The following LNX1 variants were observed in gnomAD, a reference collection of about 807,000 sequenced individuals.
LNX1 encodes the protein ligand of numb-protein X 1.
LNX1 carries 54 observed loss-of-function variants against 68.4 expected under a neutral mutation model. The observed-to-expected ratio is 0.79, with a 90% confidence interval of 0.63 to 0.99. LNX1 has a LOEUF of 0.99. LNX1 is among the 50% of genes least tolerant of loss of function. LNX1 has a pLI of 0.00. For missense variants in LNX1, 906 were observed against 926.4 expected, an observed-to-expected ratio of 0.98 and a Z score of 0.29; for synonymous variants, 336 against 350.0, an observed-to-expected ratio of 0.96 and a Z score of 0.45.
At chr4:53,523,046 G>T (rs1217820839) in intron 2 of LNX1, 1 of 152,162 alleles carries the variant, frequency 6.6e-6, no homozygotes, top group African/African-American at 2.4e-5. Context: ...TAAAAATCTA[G>T]CTTATGAGAT....
intron 2 of LNX1, among the ~76,000 whole-genome samples, chr4:53,542,212 T>C (rs1398315444): frequency 6.6e-6 from 1 of 152,080 alleles, no homozygotes; most frequent in African/African-American, 2.4e-5. Context: ...ATTAGGAAAG[T>C]AAAATTGAGT....
upstream of LNX1, chr4:53,592,820 T>G (rs888375355): frequency 2.6e-4 from 39 of 152,318 alleles, 2 homozygotes; most frequent in Admixed American, 1.8e-3. Flanking sequence ...GGGCCTCAGC[T>G]GGCTGCAGTC....
At chr4:53,592,545 T>C (rs990909893), upstream of LNX1, among the ~76,000 whole-genome samples, 1 of 152,198 alleles carries the variant, frequency 6.6e-6, no homozygotes, top group African/African-American at 2.4e-5. Flanking sequence ...GAGGAAACTG[T>C]GGATTCCCCG....
chr4:53,590,644 G>C (rs1732454401), intron 1 of LNX1, among the ~76,000 whole-genome samples: 1 of 152,114 alleles, frequency 6.6e-6, no homozygotes, highest in South Asian at 2.1e-4. Flanking sequence ...GACAGAAAAA[G>C]CCAAAGAGGT....
chr4:53,509,968 A>G (rs1486121876), intron 2 of LNX1, among the ~76,000 whole-genome samples: 3 of 152,260 alleles, frequency 2.0e-5, no homozygotes, highest in Non-Finnish European at 2.9e-5. Flanking sequence ...ATGAAAAGTT[A>G]TAGAAAGCCT....
chr4:53,460,829 A>T lies in LNX1; in HGVS notation c.*78T>A, dbSNP rs1198504645. ...ATGTATTCTTTCTTTAAATATAAAA[A>T]CTGACAAGATAAATATAGTGTTTCA... On this transcript the variant is annotated 3_prime_UTR_variant, in exon 11 of 11. Coordinates refer to ENST00000263925, the MANE Select transcript of LNX1 (RefSeq NM_001126328.3). The T allele has an allele frequency of 3.0e-6, 4 of 1,318,234 alleles. No individual in the cohort carries two copies. In the African/African-American group the frequency reaches 6.1e-5, roughly 20 times the overall value. 81.7% of individuals were successfully genotyped at this position (1,318,234 alleles called of 1,614,324 possible). A position where few individuals can be genotyped will look rare whatever the true frequency, so the allele number is the denominator to read the frequency against.
chr4:53,643,614 A>C lies in LNX1; in HGVS notation c.-215+8554T>G, dbSNP rs1248432921. ...AGGGGACTGAAGAACTAGCTGCCCAAGACCTCTCGCCCTCTCTCTTCCCTT... is the reference window on the plus strand; with the variant it reads ...AGGGGACTGAAGAACTAGCTGCCCACGACCTCTCGCCCTCTCTCTTCCCTT... On this transcript the variant is annotated intron_variant, in intron 1 of 2. Coordinates refer to the LNX1 transcript ENST00000507168. Among the ~76,000 whole-genome samples, 6 of 152,332 alleles carry C rather than the reference A, an allele frequency of 3.9e-5. No individual in the cohort carries two copies. In the East Asian group the frequency reaches 9.6e-4, roughly 24 times the overall value.
intron 9 of LNX1, among the ~76,000 whole-genome samples, chr4:53,468,240 A>G (rs1579354326): frequency 6.6e-6 from 1 of 152,178 alleles, no homozygotes; most frequent in Admixed American, 6.5e-5. Flanking sequence ...TCCAGCCAAA[A>G]TAAGCTCTAT....
At chr4:53,520,426 G>A (rs746975516) in intron 2 of LNX1, among the ~76,000 whole-genome samples, 17 of 152,168 alleles carry the variant, frequency 1.1e-4, no homozygotes, top group Non-Finnish European at 1.8e-4. Flanking sequence ...CCACATGCCA[G>A]GTCAATTCTT....
intron 9 of LNX1, among the ~76,000 whole-genome samples, chr4:53,463,350 A>T (rs1427485756): frequency 6.6e-6 from 1 of 152,078 alleles, no homozygotes; most frequent in Non-Finnish European, 1.5e-5. Flanking sequence ...CAGTGTTCCT[A>T]GTTTTATTTA....
At chr4:53,641,719 G>C (rs947949388) in intron 1 of LNX1, among the ~76,000 whole-genome samples, 1 of 152,128 alleles carries the variant, frequency 6.6e-6, no homozygotes, top group African/African-American at 2.4e-5. Flanking sequence ...GTATTGATCT[G>C]CTTTCTATAA....
chr4:53,484,361 A>G (rs1431906977), intron 6 of LNX1, among the ~76,000 whole-genome samples: 2 of 152,026 alleles, frequency 1.3e-5, no homozygotes, highest in Admixed American at 1.3e-4. Flanking sequence ...TCAGGAGTCC[A>G]AGACCAGCCT....
chr4:53,550,647 G>A (rs1577699490), intron 2 of LNX1, among the ~76,000 whole-genome samples: 1 of 152,130 alleles, frequency 6.6e-6, no homozygotes, highest in South Asian at 2.1e-4. Context: ...ACTCACTCCC[G>A]ACTCATTCAC....
At position 53,496,008 on chromosome 4, in the gene LNX1, T is replaced by C; in HGVS notation, c.1350+15A>G. On this transcript the variant is annotated intron_variant, in intron 6 of 10. Coordinates refer to ENST00000263925, the MANE Select transcript of LNX1 (RefSeq NM_001126328.3). The stretch of plus-strand genomic sequence containing the variant: ...GGGGTTTCTGACTGGGATCCTGGAA[T>C]GACCTCTGACTCACCTGAATCAGAT... 5.6e-6 allele frequency: 9 copies of C among 1,602,104 alleles called. No individual in the cohort carries two copies. The highest frequency in any genetic ancestry group is 7.7e-6 in the Non-Finnish European group (9 of 1,172,412).
At chr4:53,507,839 T>TGGC in intron 3 of LNX1, 147 bp downstream of exon 3, 1 of 1,042,578 alleles carries the variant, frequency 9.6e-7, no homozygotes, top group Non-Finnish European at 1.4e-6. Flanking sequence ...CATTTCACTT[T>TGGC]GGCGAATTGG....
chr4:53,483,411 T>C (rs1355906661), intron 6 of LNX1, among the ~76,000 whole-genome samples: 1 of 152,214 alleles, frequency 6.6e-6, no homozygotes, highest in Non-Finnish European at 1.5e-5. Flanking sequence ...CACAGATTAG[T>C]TTCACATGTG....
At chr4:53,530,659 A>G (rs899282755) in intron 2 of LNX1, among the ~76,000 whole-genome samples, 9 of 152,232 alleles carry the variant, frequency 5.9e-5, no homozygotes, top group Admixed American at 2.0e-4. Flanking sequence ...AAAAAGTAGT[A>G]TTATTTAGGA....
chr4:53,507,501 A>G, intron 3 of LNX1, 32 bp from the exon 4 acceptor site: 2 of 1,604,874 alleles, frequency 1.2e-6, no homozygotes, highest in South Asian at 2.2e-5. Context: ...AACAGTAGTT[A>G]TGATTTAATA....
At chr4:53,508,251 TGAA>T (rs764220068) in intron 2 of LNX1, 24 bp from the exon 3 acceptor site, 157 of 1,605,532 alleles carry the variant, frequency 9.8e-5, no homozygotes, top group Non-Finnish European at 1.3e-4. Flanking sequence ...AGCGGGGAGG[TGAA>T]GAAGAGCTTT....
Sources: allele counts gnomAD v4.1 joint callset (sites outside exome capture counted in the v4.1 genomes callset), GRCh38; gene constraint gnomAD v4.1.1; transcripts MANE v1.5; gene names NCBI Gene and HGNC (gene_info 2026-07-23, HGNC 2026-07-21).